The following LMBRD1 variants were observed in gnomAD, a reference collection of about 807,000 sequenced individuals.
LMBRD1 encodes lysosomal cobalamin transport escort protein LMBD1.
Under a neutral mutation model 74.8 loss-of-function variants are expected in LMBRD1, and 64 were observed. That is an observed-to-expected ratio of 0.86 (90% CI 0.70 to 1.05). The LOEUF (loss-of-function observed/expected upper bound fraction) is 1.05, where lower values mean the gene tolerates loss of function less well. Among genes scored for constraint, LMBRD1 ranks in the 50% least tolerant of loss-of-function variants. The probability of loss-of-function intolerance (pLI) is 0.00; values close to 1 mark genes in which losing one functional copy is unlikely to be tolerated. For missense variants in LMBRD1, 652 were observed against 645.9 expected (o/e 1.01, Z -0.10); for synonymous variants, 204 against 216.3 (o/e 0.94, Z 0.50).
intron 8 of LMBRD1, among the ~76,000 whole-genome samples, chr6:69,715,945 T>G (rs938089598): frequency 6.6e-6 from 1 of 152,144 alleles, no homozygotes; most frequent in Non-Finnish European, 1.5e-5. Context: ...GCAAGGGACA[T>G]GATCTCATTT....
chr6:69,718,409 C>T lies in LMBRD1; in HGVS notation c.762+547G>A, dbSNP rs1387391850. Among the ~76,000 whole-genome samples the T allele has an allele frequency of 2.0e-5, 3 of 152,116 alleles. No homozygotes were observed. In the East Asian group the frequency reaches 5.8e-4, roughly 29 times the overall value. ...AAATTCTCAAATTGCTAGTGTCCTA[C>T]ATTACACAGAAGACAAATTTTTAAA... On this transcript the variant is annotated intron_variant, in intron 8 of 15. Transcript: ENST00000649934.
intron 3 of LMBRD1, among the ~76,000 whole-genome samples, chr6:69,769,431 TA>T (rs1765533690): frequency 6.6e-6 from 1 of 152,218 alleles, no homozygotes; most frequent in Non-Finnish European, 1.5e-5. Context: ...TTTGCTGCTT[TA>T]AACTGATTTA....
intron 9 of LMBRD1, among the ~76,000 whole-genome samples, chr6:69,704,227 T>C (rs920236618): frequency 6.6e-6 from 1 of 152,102 alleles, no homozygotes; most frequent in Non-Finnish European, 1.5e-5. Flanking sequence ...CAAAATCTTG[T>C]TCTCACCAAA....
At chr6:69,711,044 A>C (rs1328169525) in intron 9 of LMBRD1, among the ~76,000 whole-genome samples, 1 of 152,192 alleles carries the variant, frequency 6.6e-6, no homozygotes, top group Admixed American at 6.5e-5. Flanking sequence ...TCAAACCAGA[A>C]ACAACCCAAA....
At chr6:69,678,432 G>GA (rs1214839702) in intron 14 of LMBRD1, among the ~76,000 whole-genome samples, 1 of 151,454 alleles carries the variant, frequency 6.6e-6, no homozygotes, top group East Asian at 1.9e-4. Context: ...AACTTTTATT[G>GA]AAAAAAAATC....
intron 7 of LMBRD1, among the ~76,000 whole-genome samples, chr6:69,723,347 T>C (rs1272908414): frequency 6.6e-6 from 1 of 152,120 alleles, no homozygotes; most frequent in African/African-American, 2.4e-5. Flanking sequence ...GAACATTTCA[T>C]CCAGTGTCTG....
chr6:69,714,386 T>C (rs2149853553), intron 8 of LMBRD1, among the ~76,000 whole-genome samples: 1 of 152,196 alleles, frequency 6.6e-6, no homozygotes, highest in South Asian at 2.1e-4. Context: ...ATCTGACAGA[T>C]AATTTCCATC....
rs1017211291 is a variant in LMBRD1, at chr6:69,674,751, G to A, written c.*1407C>T. Among the ~76,000 whole-genome samples, 3 of 152,172 alleles carry A rather than the reference G, an allele frequency of 2.0e-5. No homozygotes were observed. Among genetic ancestry groups the A allele is most frequent in the African/African-American group, 7.2e-5 (3 of 41,514 alleles). On this transcript the variant is annotated 3_prime_UTR_variant, in exon 16 of 16. Transcript: ENST00000649934. ...GCACTTTGGGAGGCCACTGTGGGTG[G>A]ATCATGAGGTCAGGAGTTCAAGACC...
intron 3 of LMBRD1, among the ~76,000 whole-genome samples, chr6:69,753,305 AAC>A (rs1241157745): frequency 6.6e-6 from 1 of 152,240 alleles, no homozygotes; most frequent in African/African-American, 2.4e-5. Context: ...ATATTCATGA[AAC>A]ATAATAGTAC....
intron 4 of LMBRD1, among the ~76,000 whole-genome samples, chr6:69,751,419 C>T (rs1345665051): frequency 6.6e-6 from 1 of 151,936 alleles, no homozygotes; most frequent in African/African-American, 2.4e-5. Flanking sequence ...CTCCGCCTCG[C>T]GGGTTCAAGC....
rs1283176625 is a variant in LMBRD1 at position 69,749,902 on chromosome 6, A to ATGTG, written c.406-495_406-494insCACA. Among the ~76,000 whole-genome samples, 1,129 of 115,670 alleles carry ATGTG rather than the reference A, an allele frequency of 9.8e-3. 14 individuals are homozygous for ATGTG. The highest frequency in any genetic ancestry group is 0.051 in the African/African-American group (923 of 18,176). 75.9% of individuals were successfully genotyped at this position (115,670 alleles called of 152,430 possible). A position where few individuals can be genotyped will look rare whatever the true frequency, so the allele number is the denominator to read the frequency against. ...TATACACATATACATACTCATATATACATATATAAGTATATATACACATAT... is the reference window on the plus strand; with the variant it reads ...TATACACATATACATACTCATATATATGTGCATATATAAGTATATATACACATAT... On this transcript the variant is annotated intron_variant, in intron 4 of 15. Transcript: ENST00000649934.
chr6:69,700,393 T>C (rs929718465), intron 12 of LMBRD1, among the ~76,000 whole-genome samples: 1 of 151,830 alleles, frequency 6.6e-6, no homozygotes, highest in African/African-American at 2.4e-5. Context: ...ATAATATAAC[T>C]TTTGGACCAG....
intron 5 of LMBRD1, among the ~76,000 whole-genome samples, chr6:69,747,409 AAATG>A (rs1487654285): frequency 3.9e-5 from 6 of 152,260 alleles, no homozygotes; most frequent in Non-Finnish European, 7.3e-5. Context: ...ATGAGAAAAT[AAATG>A]ACTGTTATTT....
At chr6:69,782,918 T>C (rs539820121) in intron 2 of LMBRD1, among the ~76,000 whole-genome samples, 2 of 152,248 alleles carry the variant, frequency 1.3e-5, no homozygotes, top group Non-Finnish European at 2.9e-5. Context: ...AAAATATTTT[T>C]TAAAAGAAAA....
chr6:69,712,204 T>C (rs984765610), intron 9 of LMBRD1, among the ~76,000 whole-genome samples: 1 of 152,170 alleles, frequency 6.6e-6, no homozygotes, highest in Non-Finnish European at 1.5e-5. Flanking sequence ...ATGAGCATAT[T>C]TGGAAGTCTG....
intron 7 of LMBRD1, among the ~76,000 whole-genome samples, chr6:69,723,773 AG>A (rs1331736103): frequency 6.6e-6 from 1 of 151,982 alleles, no homozygotes; most frequent in Non-Finnish European, 1.5e-5. Flanking sequence ...TGAAAAATAA[AG>A]AAAAAACCAT....
chr6:69,790,145 A>G (rs895485209), intron 2 of LMBRD1, 151 bp downstream of exon 2: 4 of 637,784 alleles, frequency 6.3e-6, no homozygotes, highest in African/African-American at 5.5e-5. Context: ...CTTCTGGTCT[A>G]TCAGGTTAGA....
At chr6:69,689,723 T>C (rs1024299856) in intron 14 of LMBRD1, among the ~76,000 whole-genome samples, 5 of 152,116 alleles carry the variant, frequency 3.3e-5, no homozygotes, top group Admixed American at 6.5e-5. Context: ...CAGAGTAATA[T>C]TATATTGGTG....
intron 3 of LMBRD1, among the ~76,000 whole-genome samples, chr6:69,755,572 C>T (rs982742630): frequency 7.3e-6 from 1 of 137,018 alleles, no homozygotes. Flanking sequence ...ACATTCTGCA[C>T]ATGTATCCCA....
Sources: allele counts gnomAD v4.1 joint callset (sites outside exome capture counted in the v4.1 genomes callset), GRCh38; gene constraint gnomAD v4.1.1; transcripts MANE v1.5; gene names NCBI Gene and HGNC (gene_info 2026-07-23, HGNC 2026-07-21).